Variants in WIF1 observed in about 807,000 individuals in gnomAD.
The protein encoded by WIF1 is Wnt inhibitory factor 1.
In WIF1, 35 loss-of-function variants were observed where a neutral mutation model predicts 53.5. The ratio of observed to expected loss-of-function variants is 0.65; its 90% CI spans 0.50 to 0.87. WIF1 has a LOEUF of 0.87. Among genes scored for constraint, WIF1 ranks in the 40% least tolerant of loss-of-function variants. The probability of loss-of-function intolerance (pLI) is 0.00; values close to 1 mark genes in which losing one functional copy is unlikely to be tolerated. For synonymous variants in WIF1, 171 were observed against 170.4 expected (o/e 1.00, Z -0.03); for missense variants, 467 against 476.8 (o/e 0.98, Z 0.19).
At chr12:65,063,984 A>G (rs1565749621) in intron 6 of WIF1, among the ~76,000 whole-genome samples, 1 of 152,166 alleles carries the variant, frequency 6.6e-6, no homozygotes, top group African/African-American at 2.4e-5. Context: ...GCATTTTGGT[A>G]TAGGATTTAG....
chr12:65,073,878 T>G (rs776637937), intron 3 of WIF1, among the ~76,000 whole-genome samples: 5 of 152,190 alleles, frequency 3.3e-5, no homozygotes, highest in Middle Eastern at 3.4e-3. Context: ...TATGTGTGTG[T>G]GGGGTGGGGT....
At chr12:65,088,319 T>C (rs898649362) in intron 2 of WIF1, among the ~76,000 whole-genome samples, 1 of 152,152 alleles carries the variant, frequency 6.6e-6, no homozygotes, top group African/African-American at 2.4e-5. Context: ...GATTACTATA[T>C]ACGAATCCTC....
Position 65,118,872 on chromosome 12 carries a change from GA to G in WIF1, c.288+1544del, listed in dbSNP as rs527294782. 3.9e-3 allele frequency among the ~76,000 whole-genome samples: 474 copies of G among 123,000 alleles called. 1 individual carries two copies. Among genetic ancestry groups the G allele is most frequent in the Non-Finnish European group, 5.9e-3 (355 of 60,530 alleles). 80.7% of individuals were successfully genotyped at this position (123,000 alleles called of 152,430 possible). A position where few individuals can be genotyped will look rare whatever the true frequency, so the allele number is the denominator to read the frequency against. On this transcript the variant is annotated intron_variant, in intron 2 of 9. Coordinates refer to ENST00000286574, the MANE Select transcript of WIF1 (RefSeq NM_007191.5). ...AAGAGATAGAGAGAGGAGGGAGGGA[GA>G]GGGGGAGAGAGAGAGAGTGCGCACG...
At chr12:65,087,148 G>A (rs1167162345) in intron 2 of WIF1, among the ~76,000 whole-genome samples, 3 of 152,114 alleles carry the variant, frequency 2.0e-5, no homozygotes, top group East Asian at 1.9e-4. Context: ...AGACTCCATC[G>A]CGGGGGAAAA....
intron 2 of WIF1, among the ~76,000 whole-genome samples, chr12:65,086,821 A>G (rs1883046338): frequency 6.6e-6 from 1 of 151,428 alleles, no homozygotes; most frequent in African/African-American, 2.4e-5. Context: ...CTGTGCTAAG[A>G]GCTATTCCTT....
At chr12:65,072,479 T>A (rs1882799139) in intron 3 of WIF1, among the ~76,000 whole-genome samples, 1 of 152,210 alleles carries the variant, frequency 6.6e-6, no homozygotes, top group South Asian at 2.1e-4. Context: ...GCAAGAACTA[T>A]ATCTTGTTTT....
At chr12:65,078,697 T>A (rs1320214485) in intron 2 of WIF1, among the ~76,000 whole-genome samples, 1 of 152,116 alleles carries the variant, frequency 6.6e-6, no homozygotes, top group Non-Finnish European at 1.5e-5. Flanking sequence ...AAAACCACCA[T>A]CACAATAAGA....
At chr12:65,112,559 C>T (rs565813013) in intron 2 of WIF1, among the ~76,000 whole-genome samples, 5 of 152,154 alleles carry the variant, frequency 3.3e-5, no homozygotes, top group South Asian at 4.2e-4. Context: ...ACATACTCAA[C>T]GATTTACTCA....
At chr12:65,100,067 A>T (rs1402594402) in intron 2 of WIF1, among the ~76,000 whole-genome samples, 2 of 152,236 alleles carry the variant, frequency 1.3e-5, no homozygotes, top group Non-Finnish European at 2.9e-5. Flanking sequence ...TATGAAGCAT[A>T]CAAAGAAACT....
chr12:65,060,154 C>T (rs1882590197), intron 7 of WIF1, among the ~76,000 whole-genome samples: 1 of 152,106 alleles, frequency 6.6e-6, no homozygotes, highest in Non-Finnish European at 1.5e-5. Context: ...GGTAGTTCCT[C>T]AAAAAAGTTG....
chr12:65,088,327 C>T (rs187791944), intron 2 of WIF1, among the ~76,000 whole-genome samples: 4 of 152,254 alleles, frequency 2.6e-5, no homozygotes, highest in Non-Finnish European at 5.9e-5. Context: ...TATACGAATC[C>T]TCTCAACATC....
chr12:65,105,185 T>A (rs1403368520), intron 2 of WIF1, among the ~76,000 whole-genome samples: 1 of 152,098 alleles, frequency 6.6e-6, no homozygotes, highest in African/African-American at 2.4e-5. Context: ...TGGCACCCAC[T>A]GGCATGCATG....
At chr12:65,093,025 T>C (rs899136819) in intron 2 of WIF1, among the ~76,000 whole-genome samples, 6 of 152,066 alleles carry the variant, frequency 3.9e-5, no homozygotes, top group African/African-American at 1.2e-4. Flanking sequence ...GAAAGGAGAA[T>C]ATTAACTTTA....
At chr12:65,076,930 A>G (rs887832834) in intron 3 of WIF1, among the ~76,000 whole-genome samples, 2 of 152,128 alleles carry the variant, frequency 1.3e-5, no homozygotes, top group Non-Finnish European at 2.9e-5. Flanking sequence ...AACCAAATAT[A>G]TATTATCACA....
At chr12:65,086,913 GCAGTGGATCATGAGGT>G (rs1253683598) in intron 2 of WIF1, among the ~76,000 whole-genome samples, 2 of 151,900 alleles carry the variant, frequency 1.3e-5, no homozygotes, top group Admixed American at 1.3e-4. Flanking sequence ...GGAGGCTGAG[GCAGTGGATCATGAGGT>G]CAGGAGTTTG....
Position 65,121,046 on chromosome 12 carries a change from A to C in WIF1, c.146T>G (p.Ile49Arg), listed in dbSNP as rs1244865390. ...WIDAHQARVL[I>R]GFEEDILIVS... Reference sequence around the variant, plus strand: ...GGCGCTGGAGGCGGGGGCCTTACCTATGAGTACTCTTGCCTGGTGAGCATC... The same window carrying C: ...GGCGCTGGAGGCGGGGGCCTTACCTCTGAGTACTCTTGCCTGGTGAGCATC... The change falls in exon 1 of 10, where the codon ATA (isoleucine) becomes AGA (arginine). Residue 49 changes from isoleucine (I) to arginine (R), a missense_variant and splice_region_variant. Ile to Arg is a moderately conservative substitution (Grantham distance 97, BLOSUM62 -3). Transcript: ENST00000286574. 6.7e-7 allele frequency: 1 copy of C among 1,500,190 alleles called. No individual in the cohort carries two copies. Among genetic ancestry groups the C allele is most frequent in the Admixed American group, 2.2e-5 (1 of 46,442 alleles). 92.9% of individuals were successfully genotyped at this position (1,500,190 alleles called of 1,614,324 possible). A position where few individuals can be genotyped will look rare whatever the true frequency, so the allele number is the denominator to read the frequency against.
rs773974823 is a variant in WIF1 at position 65,051,376 on chromosome 12, A to G, written c.1113T>C (p.Asp371=). 1 of 1,613,834 alleles carries G rather than the reference A, an allele frequency of 6.2e-7. No homozygotes were observed. The highest frequency in any genetic ancestry group is 1.1e-5 in the South Asian group (1 of 91,004). The change falls in exon 10 of 10, where the codon GAT becomes GAC. Residue 371 remains aspartate (D), a synonymous_variant. Coordinates refer to ENST00000286574, the MANE Select transcript of WIF1 (RefSeq NM_007191.5). ...PSLKKAEERR[D]PPESNYIW ...ACCAGATGTAATTGGATTCAGGTGGATCCCGCCGCTCCTCGGCCTTTTTAA... is the reference window on the plus strand; with the variant it reads ...ACCAGATGTAATTGGATTCAGGTGGGTCCCGCCGCTCCTCGGCCTTTTTAA...
intron 4 of WIF1, 128 bp from the exon 5 acceptor site, chr12:65,067,918 C>T (rs970903784): frequency 6.9e-6 from 5 of 722,460 alleles, no homozygotes; most frequent in South Asian, 1.9e-5. Context: ...GATCAAATAC[C>T]AGTACTTCCA....
At chr12:65,065,717 T>TACA (rs1437042502) in intron 6 of WIF1, among the ~76,000 whole-genome samples, 3 of 152,332 alleles carry the variant, frequency 2.0e-5, no homozygotes, top group Non-Finnish European at 4.4e-5. Context: ...GCTCTATTCA[T>TACA]ACAATTAGCA....
Sources: allele counts gnomAD v4.1 joint callset (sites outside exome capture counted in the v4.1 genomes callset), GRCh38; gene constraint gnomAD v4.1.1; transcripts MANE v1.5; gene names NCBI Gene and HGNC (gene_info 2026-07-23, HGNC 2026-07-21).